EYA1: variants seen among roughly 807,000 people sequenced by gnomAD.
EYA1 encodes the protein protein phosphatase EYA1.
EYA1 carries 16 observed loss-of-function variants against 82.0 expected under a neutral mutation model. The ratio of observed to expected loss-of-function variants is 0.20; its 90% CI spans 0.13 to 0.30. The LOEUF (loss-of-function observed/expected upper bound fraction) is 0.30, where lower values mean the gene tolerates loss of function less well. Ranked by LOEUF, EYA1 falls within the 10% of genes least tolerant of loss-of-function variation. EYA1 has a pLI of 1.00. For missense variants in EYA1, 633 were observed against 730.7 expected, an observed-to-expected ratio of 0.87 and a Z score of 1.54; for synonymous variants, 261 against 264.4, an observed-to-expected ratio of 0.99 and a Z score of 0.12.
chr8:71,476,906 A>G (rs189042012), intron 2 of EYA1, among the ~76,000 whole-genome samples: 8 of 152,274 alleles, frequency 5.3e-5, no homozygotes, highest in Non-Finnish European at 1.0e-4. Context: ...ATAACTGAGG[A>G]TCCAAAAACA....
chr8:71,227,001 A>C (rs935041820), intron 12 of EYA1, among the ~76,000 whole-genome samples: 1 of 152,116 alleles, frequency 6.6e-6, no homozygotes, highest in Admixed American at 6.5e-5. Flanking sequence ...AGGGCAATGC[A>C]TTAGTGTTTG....
At chr8:71,296,427 A>G (rs1419909489) in intron 9 of EYA1, among the ~76,000 whole-genome samples, 2 of 152,128 alleles carry the variant, frequency 1.3e-5, no homozygotes, top group Non-Finnish European at 2.9e-5. Context: ...GTCCATTGTG[A>G]CACAACAATT....
rs369592625 is a variant in EYA1, at chr8:71,402,800, C to A, written c.34-46289G>T. Among the ~76,000 whole-genome samples, 139 of 152,142 alleles carry A rather than the reference C, an allele frequency of 9.1e-4. No homozygotes were observed. In the East Asian group the frequency reaches 0.021, roughly 23 times the overall value. The stretch of plus-strand genomic sequence containing the variant: ...ATAACAAAGAAAGACAAAAATAAAT[C>A]TAAATATATATGGATATTAATTCAT... On this transcript the variant is annotated intron_variant, in intron 2 of 18. Transcript: ENST00000643681.
At chr8:71,394,858 A>G (rs1218496223) in intron 2 of EYA1, among the ~76,000 whole-genome samples, 1 of 152,166 alleles carries the variant, frequency 6.6e-6, no homozygotes, top group Middle Eastern at 3.2e-3. Flanking sequence ...TGGGGATGGC[A>G]TTGAATCTAT....
intron 2 of EYA1, among the ~76,000 whole-genome samples, chr8:71,391,377 G>T (rs920378574): frequency 2.0e-5 from 3 of 152,150 alleles, no homozygotes; most frequent in African/African-American, 4.8e-5. Flanking sequence ...CTAGCAACTA[G>T]CATAGTTATA....
intron 2 of EYA1, among the ~76,000 whole-genome samples, chr8:71,528,699 G>C (rs973291152): frequency 1.1e-4 from 16 of 152,186 alleles, no homozygotes; most frequent in African/African-American, 3.6e-4. Flanking sequence ...ATAACGACTA[G>C]TGAGGCCATC....
At chr8:71,494,497 A>T (rs1192239556) in intron 2 of EYA1, among the ~76,000 whole-genome samples, 2 of 152,228 alleles carry the variant, frequency 1.3e-5, no homozygotes, top group African/African-American at 4.8e-5. Flanking sequence ...TATTACTCTT[A>T]TGGCCTCAGC....
intron 3 of EYA1, among the ~76,000 whole-genome samples, chr8:71,348,763 G>C (rs1826008792): frequency 6.6e-6 from 1 of 152,138 alleles, no homozygotes; most frequent in African/African-American, 2.4e-5. Flanking sequence ...GCTGATCCTA[G>C]AACATCCCAG....
At chr8:71,366,796 C>T (rs1827783015), upstream of EYA1, among the ~76,000 whole-genome samples, 1 of 152,086 alleles carries the variant, frequency 6.6e-6, no homozygotes, top group Non-Finnish European at 1.5e-5. Context: ...CCATCAAAGT[C>T]ACTTCTAAAC....
intron 12 of EYA1, among the ~76,000 whole-genome samples, chr8:71,235,598 G>C (rs951247216): frequency 6.6e-6 from 1 of 152,132 alleles, no homozygotes. Flanking sequence ...CTGCCTGCAA[G>C]TGTTTTGTTT....
chr8:71,477,984 C>G (rs1479891858), intron 2 of EYA1, among the ~76,000 whole-genome samples: 1 of 151,956 alleles, frequency 6.6e-6, no homozygotes. Flanking sequence ...GACACAAAGG[C>G]CATAGATACA....
rs1002056605 is a variant in EYA1 at position 71,204,821 on chromosome 8, T to C, written c.1699-5401A>G. ...AAGGGAGAACTTATTATGAAACTTA[T>C]TGTGCAACGTTGCTCTTTTATTTAT... On this transcript the variant is annotated intron_variant, in intron 17 of 17. Coordinates refer to ENST00000340726, the MANE Select transcript of EYA1 (RefSeq NM_000503.6). Among the ~76,000 whole-genome samples the C allele has an allele frequency of 2.6e-5, 4 of 152,346 alleles. No individual in the cohort carries two copies. The South Asian group carries it at 8.3e-4, about 32-fold the overall frequency.
At chr8:71,295,823 CT>C (rs1819534805) in intron 9 of EYA1, among the ~76,000 whole-genome samples, 1 of 152,096 alleles carries the variant, frequency 6.6e-6, no homozygotes, top group Non-Finnish European at 1.5e-5. Flanking sequence ...CCAAGATGTC[CT>C]TCAATTGGCG....
chr8:71,461,959 C>T (rs1184084201), intron 2 of EYA1, among the ~76,000 whole-genome samples: 2 of 152,282 alleles, frequency 1.3e-5, no homozygotes, highest in Admixed American at 6.5e-5. Context: ...TTCTGTCCAG[C>T]TCTGGCTGAG....
intron 2 of EYA1, among the ~76,000 whole-genome samples, chr8:71,516,124 G>A (rs1359367229): frequency 6.6e-6 from 1 of 152,126 alleles, no homozygotes; most frequent in Non-Finnish European, 1.5e-5. Flanking sequence ...CACAAAGACA[G>A]TTTTTTGGTG....
At chr8:71,540,324 C>G (rs1815045433) in intron 1 of EYA1, among the ~76,000 whole-genome samples, 1 of 152,184 alleles carries the variant, frequency 6.6e-6, no homozygotes, top group Non-Finnish European at 1.5e-5. Context: ...CTTATTCTCT[C>G]CATCAGCTAA....
At chr8:71,234,910 C>T (rs1811647450) in intron 12 of EYA1, among the ~76,000 whole-genome samples, 1 of 152,048 alleles carries the variant, frequency 6.6e-6, no homozygotes, top group African/African-American at 2.4e-5. Flanking sequence ...CCAACTCCTC[C>T]CCAGCCACCC....
At chr8:71,452,463 A>G (rs2129181232) in intron 2 of EYA1, among the ~76,000 whole-genome samples, 1 of 152,314 alleles carries the variant, frequency 6.6e-6, no homozygotes, top group African/African-American at 2.4e-5. Flanking sequence ...GAATGGACAG[A>G]CTGCCTCCTC....
At chr8:71,453,458 C>G (rs1035867116) in intron 2 of EYA1, among the ~76,000 whole-genome samples, 1 of 152,114 alleles carries the variant, frequency 6.6e-6, no homozygotes, top group South Asian at 2.1e-4. Context: ...AACTCCAATA[C>G]ACATAATTGT....
Sources: gnomAD v4.1 joint callset for allele counts (sites outside exome capture counted in the v4.1 genomes callset) on GRCh38, gnomAD v4.1.1 for gene constraint, MANE v1.5 for transcripts, NCBI Gene and HGNC (gene_info 2026-07-23, HGNC 2026-07-21) for gene names.